AMPH: variants seen among roughly 807,000 people sequenced by gnomAD.
AMPH encodes the protein amphiphysin, also known as amphiphysin (Stiff-Mann syndrome with breast cancer 128kD autoantigen).
A neutral mutation model predicts 99.1 loss-of-function variants in AMPH; 49 were observed. The observed-to-expected ratio is 0.49, with a 90% CI of 0.39 to 0.63. AMPH has a LOEUF of 0.63. Ranked by LOEUF, AMPH falls within the 20% of genes least tolerant of loss-of-function variation. AMPH has a pLI of 0.00. For synonymous variants in AMPH, 314 were observed against 317.3 expected (o/e 0.99, Z 0.11); for missense variants, 759 against 863.4 (o/e 0.88, Z 1.52).
chr7:38,485,216 A>G (rs1788442085), intron 5 of AMPH, among the ~76,000 whole-genome samples: 1 of 152,008 alleles, frequency 6.6e-6, no homozygotes, highest in African/African-American at 2.4e-5. Flanking sequence ...AGATCCAACT[A>G]TTTATTGTCT....
chr7:38,419,840 C>G (rs961641028), intron 16 of AMPH, among the ~76,000 whole-genome samples: 38 of 152,170 alleles, frequency 2.5e-4, no homozygotes, highest in Non-Finnish European at 5.3e-4. Context: ...AAACATGAGC[C>G]AAAGAAATAT....
intron 2 of AMPH, among the ~76,000 whole-genome samples, chr7:38,513,834 C>G (rs574724125): frequency 7.2e-5 from 11 of 152,334 alleles, no homozygotes; most frequent in African/African-American, 2.6e-4. Context: ...CTCAAGGGAA[C>G]AGATCAGCTG....
chr7:38,601,997 G>C (rs928514150), intron 1 of AMPH, among the ~76,000 whole-genome samples: 11 of 152,170 alleles, frequency 7.2e-5, no homozygotes, highest in Admixed American at 3.9e-4. Flanking sequence ...AAAACCATTA[G>C]CAAATTTTCT....
At chr7:38,391,468 G>C (rs959140491) in intron 19 of AMPH, among the ~76,000 whole-genome samples, 11 of 152,130 alleles carry the variant, frequency 7.2e-5, no homozygotes, top group Non-Finnish European at 5.9e-5. Flanking sequence ...CAGGCACCTG[G>C]GGGAGTAGAG....
chr7:38,436,543 C>T (rs1786275166), intron 11 of AMPH, among the ~76,000 whole-genome samples, 155 bp from the exon 12 acceptor site: 1 of 152,224 alleles, frequency 6.6e-6, no homozygotes, highest in Admixed American at 6.5e-5. Context: ...TGCACCCAGT[C>T]ACTCAGCTAA....
At chr7:38,515,346 C>T (rs139103708) in intron 2 of AMPH, among the ~76,000 whole-genome samples, 2 of 152,078 alleles carry the variant, frequency 1.3e-5, no homozygotes, top group Non-Finnish European at 2.9e-5. Context: ...GGTGGACTTC[C>T]CCCTTGCTAT....
chr7:38,604,365 A>G (rs1793357630), intron 1 of AMPH, among the ~76,000 whole-genome samples: 1 of 152,236 alleles, frequency 6.6e-6, no homozygotes, highest in African/African-American at 2.4e-5. Flanking sequence ...AAACCCTCCT[A>G]TCCCCCAGCC....
intron 1 of AMPH, among the ~76,000 whole-genome samples, chr7:38,572,756 A>T (rs1792095664): frequency 1.3e-5 from 2 of 152,170 alleles, no homozygotes; most frequent in Admixed American, 1.3e-4. Flanking sequence ...CTGGTCTCCC[A>T]GCAGGACCTC....
intron 1 of AMPH, among the ~76,000 whole-genome samples, chr7:38,538,405 A>C (rs1231362265): frequency 6.6e-6 from 1 of 152,194 alleles, no homozygotes; most frequent in African/African-American, 2.4e-5. Flanking sequence ...GTGATCTTTC[A>C]ATAGTATTCA....
chr7:38,432,086 A>C, intron 13 of AMPH, 103 bp downstream of exon 13: 1 of 1,012,738 alleles, frequency 9.9e-7, no homozygotes, highest in South Asian at 1.3e-5. Flanking sequence ...TCATCATTAA[A>C]TGTATGTGTC....
intron 1 of AMPH, 89 bp downstream of exon 1, chr7:38,631,194 G>C (rs1794449436): frequency 3.4e-6 from 4 of 1,177,444 alleles, no homozygotes; most frequent in African/African-American, 1.6e-5. Flanking sequence ...GCACCCCGAG[G>C]CTCGGGCCCC....
At chr7:38,431,047 T>C (rs1562749704) in intron 13 of AMPH, among the ~76,000 whole-genome samples, 1 of 152,198 alleles carries the variant, frequency 6.6e-6, no homozygotes, top group Non-Finnish European at 1.5e-5. Context: ...CCAGGGCTTT[T>C]CTAAAACAAA....
chr7:38,425,935 T>G lies in AMPH; in HGVS notation c.1215+1019A>C, dbSNP rs569758261. ...GATGGAAATACAAACCTGAAAAGAA[T>G]GAGAAATTGATGACAGAGCCTATCA... On this transcript the variant is annotated intron_variant, in intron 15 of 20. Coordinates refer to ENST00000356264, the MANE Select transcript of AMPH (RefSeq NM_001635.4). Among the ~76,000 whole-genome samples the G allele has an allele frequency of 7.2e-5, 11 of 152,298 alleles. 1 individual carries two copies. In the East Asian group the frequency reaches 2.1e-3, roughly 29 times the overall value.
intron 1 of AMPH, among the ~76,000 whole-genome samples, chr7:38,539,504 G>A (rs969791939): frequency 2.0e-5 from 3 of 152,152 alleles, no homozygotes; most frequent in Admixed American, 6.5e-5. Flanking sequence ...TCACCAGAAA[G>A]GACCCATCTT....
At chr7:38,584,959 T>G (rs981765414) in intron 1 of AMPH, among the ~76,000 whole-genome samples, 8 of 152,188 alleles carry the variant, frequency 5.3e-5, no homozygotes, top group Non-Finnish European at 1.5e-5. Flanking sequence ...TTCCTATCCC[T>G]TCTGAGTAAG....
chr7:38,613,250 A>T (rs1338073896), intron 1 of AMPH, among the ~76,000 whole-genome samples: 1 of 152,202 alleles, frequency 6.6e-6, no homozygotes, highest in Non-Finnish European at 1.5e-5. Context: ...ATTTCAGCTT[A>T]TATTTTACCA....
At chr7:38,505,692 G>A (rs1428535194) in intron 2 of AMPH, among the ~76,000 whole-genome samples, 1 of 152,076 alleles carries the variant, frequency 6.6e-6, no homozygotes, top group Non-Finnish European at 1.5e-5. Flanking sequence ...AGAAAATGCT[G>A]ATGATAAACA....
At chr7:38,528,402 C>T (rs1292841747) in intron 2 of AMPH, among the ~76,000 whole-genome samples, 1 of 151,958 alleles carries the variant, frequency 6.6e-6, no homozygotes, top group African/African-American at 2.4e-5. Flanking sequence ...ATCACAAATC[C>T]ACTTTCTTTA....
intron 10 of AMPH, 40 bp downstream of exon 10, chr7:38,462,935 T>A: frequency 6.6e-7 from 1 of 1,513,270 alleles, no homozygotes; most frequent in Non-Finnish European, 8.8e-7. Context: ...CTTCATCTCA[T>A]CATGAGCTCT....
Sources: gnomAD v4.1 joint callset for allele counts (sites outside exome capture counted in the v4.1 genomes callset) on GRCh38, gnomAD v4.1.1 for gene constraint, MANE v1.5 for transcripts, NCBI Gene and HGNC (gene_info 2026-07-23, HGNC 2026-07-21) for gene names.